Variants in ABLIM3 observed in about 807,000 individuals in gnomAD.
The protein encoded by ABLIM3 is actin binding LIM protein family member 3, also known as actin-binding LIM protein 3.
ABLIM3 carries 61 observed loss-of-function variants against 109.5 expected under a neutral mutation model. That is an observed-to-expected ratio of 0.56 (90% CI 0.45 to 0.69). The LOEUF (loss-of-function observed/expected upper bound fraction) is 0.69, where lower values mean the gene tolerates loss of function less well. Ranked by LOEUF, ABLIM3 falls within the 30% of genes least tolerant of loss-of-function variation. The pLI is 0.00. For missense variants in ABLIM3, 796 were observed against 889.5 expected, an observed-to-expected ratio of 0.89 and a Z score of 1.34; for synonymous variants, 300 against 324.8, an observed-to-expected ratio of 0.92 and a Z score of 0.82.
rs1165896380 is a variant in ABLIM3 at position 149,252,851 on chromosome 5, A to C, written c.1938+14A>C. The stretch of plus-strand genomic sequence containing the variant: ...ACCCGTTTAGAGGTAAGTCTAAAAA[A>C]CTGAGCAGGAGCTCTTGGGTTGGAA... On this transcript the variant is annotated intron_variant, in intron 23 of 23. Coordinates refer to ENST00000309868, the MANE Select transcript of ABLIM3 (RefSeq NM_014945.5). 1 of 1,606,450 alleles carries C rather than the reference A, an allele frequency of 6.2e-7. No individual in the cohort carries two copies.
At chr5:149,145,023 T>C (rs1207622531) in intron 2 of ABLIM3, among the ~76,000 whole-genome samples, 44 of 152,180 alleles carry the variant, frequency 2.9e-4, no homozygotes, top group Admixed American at 2.9e-3. Context: ...AAGGTACATG[T>C]GCAGGTTTTG....
In ABLIM3 at chr5:149,258,305, G is replaced by A. The variant is rs201786969; in HGVS notation, c.1953G>A (p.Gln651=). 8.7e-6 allele frequency: 14 copies of A among 1,613,346 alleles called. No homozygotes were observed. In the Admixed American group the frequency reaches 2.2e-4, roughly 25 times the overall value. ...DRTRLERHLS[Q]EEFYQVFGMT... ...GCCTCCTTCAGCGCCACCTGTCCCA[G>A]GAAGAGTTCTACCAAGTCTTTGGCA... Residue 651 remains glutamine (Q), a synonymous_variant, in exon 24 of 24, where the codon CAG becomes CAA. Transcript: ENST00000309868.
intron 12 of ABLIM3, among the ~76,000 whole-genome samples, chr5:149,239,533 CCA>C (rs1378167852): frequency 2.0e-5 from 3 of 152,180 alleles, no homozygotes; most frequent in African/African-American, 7.2e-5. Flanking sequence ...GGGATTGACC[CCA>C]TAGATTCCAT....
chr5:149,175,267 T>C (rs927586183), intron 2 of ABLIM3, among the ~76,000 whole-genome samples: 1 of 152,246 alleles, frequency 6.6e-6, no homozygotes, highest in African/African-American at 2.4e-5. Context: ...CCCACCACTC[T>C]TGTGCCTTTC....
At chr5:149,214,801 C>A (rs775322496) in intron 7 of ABLIM3, among the ~76,000 whole-genome samples, 5 of 152,182 alleles carry the variant, frequency 3.3e-5, no homozygotes, top group Non-Finnish European at 7.4e-5. Flanking sequence ...TCCTTCCATC[C>A]CTGTCTGTTT....
At chr5:149,155,127 A>G (rs576152252) in intron 2 of ABLIM3, among the ~76,000 whole-genome samples, 2 of 152,336 alleles carry the variant, frequency 1.3e-5, no homozygotes, top group South Asian at 4.1e-4. Context: ...GAAGCAGAGG[A>G]GCAGATGTTT....
chr5:149,254,508 C>T (rs1754254437), intron 23 of ABLIM3, among the ~76,000 whole-genome samples: 1 of 152,170 alleles, frequency 6.6e-6, no homozygotes, highest in Non-Finnish European at 1.5e-5. Flanking sequence ...GGAGGCTCAG[C>T]ACCCCTCAGG....
At chr5:149,187,727 T>C (rs1757105631) in intron 3 of ABLIM3, among the ~76,000 whole-genome samples, 1 of 152,276 alleles carries the variant, frequency 6.6e-6, no homozygotes, top group South Asian at 2.1e-4. Flanking sequence ...GATTACCTAC[T>C]CCACCCTGAC....
rs1754721212 is a variant in ABLIM3 at position 149,259,450 on chromosome 5, C to G, written c.*1046C>G. On this transcript the variant is annotated 3_prime_UTR_variant, in exon 24 of 24. Transcript: ENST00000309868. ...ATAGGCCGTGTCTCAAAGAAAGGTT[C>G]TTGGTCTATGCCTCTGGTCTGTGGG... 6.5e-7 allele frequency: 1 copy of G among 1,531,434 alleles called. No individual in the cohort carries two copies. Among genetic ancestry groups the G allele is most frequent in the Admixed American group, 2.0e-5 (1 of 50,664 alleles). 94.9% of individuals were successfully genotyped at this position (1,531,434 alleles called of 1,614,324 possible). A position where few individuals can be genotyped will look rare whatever the true frequency, so the allele number is the denominator to read the frequency against.
intron 4 of ABLIM3, among the ~76,000 whole-genome samples, chr5:149,199,718 A>T (rs924874208): frequency 6.6e-6 from 1 of 152,246 alleles, no homozygotes; most frequent in South Asian, 2.1e-4. Flanking sequence ...ATCCCACTGC[A>T]TGGGCGAGAA....
At position 149,225,976 on chromosome 5, in the gene ABLIM3, GTGTGTGTATATATATATATATA is replaced by G. The variant is rs1475474653; in HGVS notation, c.758-4671_758-4650del. Among the ~76,000 whole-genome samples the G allele has an allele frequency of 8.7e-3, 334 of 38,504 alleles. 4 individuals carry two copies. The highest frequency in any genetic ancestry group is 0.08 in the Middle Eastern group (7 of 88). 25.3% of individuals were successfully genotyped at this position (38,504 alleles called of 152,430 possible). A position where few individuals can be genotyped will look rare whatever the true frequency, so the allele number is the denominator to read the frequency against. Reference sequence around the variant, plus strand: ...ATATAATATGTGTGTGTGTGTGTGTGTGTGTGTATATATATATATATATATATATATATATATATATATATAT... The same window carrying G: ...ATATAATATGTGTGTGTGTGTGTGTGTATATATATATATATATATATATAT... On this transcript the variant is annotated intron_variant, in intron 8 of 23. Transcript: ENST00000309868.
chr5:149,205,896 T>C (rs1233822932), intron 5 of ABLIM3, among the ~76,000 whole-genome samples: 3 of 152,180 alleles, frequency 2.0e-5, no homozygotes, highest in Non-Finnish European at 4.4e-5. Flanking sequence ...CCTTCCTAGA[T>C]TTGCAGACAC....
At chr5:149,255,773 A>G (rs986306305) in intron 23 of ABLIM3, among the ~76,000 whole-genome samples, 3 of 152,310 alleles carry the variant, frequency 2.0e-5, no homozygotes, top group East Asian at 1.9e-4. Context: ...GGAGGAGAAG[A>G]TGAAGTCCAA....
chr5:149,210,037 A>G (rs1759385698), intron 6 of ABLIM3, among the ~76,000 whole-genome samples: 1 of 152,204 alleles, frequency 6.6e-6, no homozygotes, highest in South Asian at 2.1e-4. Flanking sequence ...CCCGAAGCAA[A>G]GCTAAGCTCT....
At chr5:149,143,508 A>T (rs1010483868) in intron 2 of ABLIM3, among the ~76,000 whole-genome samples, 8 of 151,334 alleles carry the variant, frequency 5.3e-5, no homozygotes, top group African/African-American at 1.7e-4. Flanking sequence ...CTATTTCCTC[A>T]CACACCCCAC....
chr5:149,258,438 A>G lies in ABLIM3; in HGVS notation c.*34A>G. 1 of 1,589,368 alleles carries G rather than the reference A, an allele frequency of 6.3e-7. No individual in the cohort carries two copies. Among genetic ancestry groups the G allele is most frequent in the Non-Finnish European group, 8.5e-7 (1 of 1,170,786 alleles). The stretch of plus-strand genomic sequence containing the variant: ...TCTATAAATATATATGCATTTATAT[A>G]AAGATATATGTAAAATCTCTCTACT... On this transcript the variant is annotated 3_prime_UTR_variant, in exon 24 of 24. Transcript: ENST00000309868.
At chr5:149,207,968 A>G (rs1759162190) in intron 6 of ABLIM3, among the ~76,000 whole-genome samples, 1 of 152,240 alleles carries the variant, frequency 6.6e-6, no homozygotes, top group East Asian at 1.9e-4. Flanking sequence ...CAGCTTTGAC[A>G]TCATATGACC....
In ABLIM3 at chr5:149,258,583, T is replaced by A; in HGVS notation, c.*179T>A. The A allele has an allele frequency of 7.3e-7, 1 of 1,368,838 alleles. No homozygotes were observed. The allele number at this position is 1,368,838 out of a possible 1,614,324, so 84.8% of individuals were successfully genotyped here. ...TATTTTTATGCTCCTTACTTTCTCT[T>A]TTCTAAGTGCTGTGGGATCTGGGAA... On this transcript the variant is annotated 3_prime_UTR_variant, in exon 24 of 24. Transcript: ENST00000309868.
In ABLIM3 at chr5:149,198,393, G is replaced by A; in HGVS notation, c.326G>A (p.Ser109Asn). The A allele has an allele frequency of 6.2e-7, 1 of 1,610,096 alleles. No individual in the cohort carries two copies. Residue 109 changes from serine (S) to asparagine (N), a missense_variant, in exon 4 of 24, where the codon AGC becomes AAC. Transcript: ENST00000309868. The surrounding 1 kb of genome is among the most constrained non-coding windows in gnomAD (Gnocchi z 4.2). ...TACCACCCCAAGTGCTTCGTGTGCA[G>A]CTTGTGCAGGTGAGTGGGCGACCAG... ...RTYHPKCFVCSLCRKPFPIGD... is the reference protein window; with the variant it reads ...RTYHPKCFVCNLCRKPFPIGD...
Sources: allele counts gnomAD v4.1 joint callset (sites outside exome capture counted in the v4.1 genomes callset), GRCh38; gene constraint gnomAD v4.1.1; non-coding constraint Gnocchi (gnomAD v3.1); transcripts MANE v1.5; gene names NCBI Gene and HGNC (gene_info 2026-07-23, HGNC 2026-07-21).